Variants in SHISA9 observed in about 807,000 individuals in gnomAD.
SHISA9 encodes protein shisa-9.
A neutral mutation model predicts 38.0 loss-of-function variants in SHISA9; 13 were observed. The observed-to-expected ratio is 0.34, with a 90% CI of 0.22 to 0.54. The LOEUF is 0.54. Among genes scored for constraint, SHISA9 ranks in the 20% least tolerant of loss-of-function variants. The pLI is 0.91. For synonymous variants in SHISA9, 275 were observed against 242.0 expected (o/e 1.14, Z -1.27); for missense variants, 538 against 575.8 (o/e 0.93, Z 0.67).
intron 2 of SHISA9, among the ~76,000 whole-genome samples, chr16:13,024,393 T>C (rs1596593340): frequency 6.6e-6 from 1 of 152,226 alleles, no homozygotes; most frequent in Admixed American, 6.5e-5. Flanking sequence ...GACAGCCCAG[T>C]TGGCCCAGAG....
intron 2 of SHISA9, among the ~76,000 whole-genome samples, chr16:13,096,023 G>C (rs2073822453): frequency 6.6e-6 from 1 of 152,230 alleles, no homozygotes; most frequent in South Asian, 2.1e-4. Flanking sequence ...GTGGTCAAGA[G>C]TGAAAGCCCT....
Position 13,209,379 on chromosome 16 carries a change from A to C in SHISA9, c.848-3874A>C, listed in dbSNP as rs562009883. Among the ~76,000 whole-genome samples the C allele has an allele frequency of 1.2e-4, 18 of 152,328 alleles. No homozygotes were observed. In the South Asian group the frequency reaches 3.5e-3, roughly 30 times the overall value. On this transcript the variant is annotated intron_variant, in intron 3 of 4. Coordinates refer to ENST00000558583, the MANE Select transcript of SHISA9 (RefSeq NM_001145204.3). ...AGTTAACTCATGTCAGGGATCTGAT[A>C]AAACAAGCAGGCAAGCAAGCAAACA...
chr16:13,284,242 C>T, the SHISA9 span, among the ~76,000 whole-genome samples: 1 of 152,156 alleles, frequency 6.6e-6, no homozygotes, highest in South Asian at 2.1e-4. Flanking sequence ...GGTGTTTCCT[C>T]TTTCATGAAT....
At chr16:13,302,356 A>G in the SHISA9 span, among the ~76,000 whole-genome samples, 1 of 152,170 alleles carries the variant, frequency 6.6e-6, no homozygotes, top group South Asian at 2.1e-4. Context: ...TCCCCTATAA[A>G]TAGTTCTAAA....
intron 2 of SHISA9, among the ~76,000 whole-genome samples, chr16:13,199,128 A>T (rs75033753): frequency 0.11 from 16,953 of 152,260 alleles, 1,019 homozygotes; most frequent in Middle Eastern, 0.19. Context: ...ACCTGGACAC[A>T]GGGTTTGAGC....
intron 1 of SHISA9, among the ~76,000 whole-genome samples, chr16:12,905,671 A>G (rs2071083092): frequency 6.6e-6 from 1 of 151,076 alleles, no homozygotes. Flanking sequence ...CGCTCACTGC[A>G]ACCTCCGCCT....
intron 2 of SHISA9, among the ~76,000 whole-genome samples, chr16:13,146,977 G>A (rs758996460): frequency 6.6e-6 from 1 of 152,120 alleles, no homozygotes; most frequent in Non-Finnish European, 1.5e-5. Context: ...TGATCCACTG[G>A]AATCTATCAA....
chr16:13,536,134 T>A, the SHISA9 span, among the ~76,000 whole-genome samples: 1 of 151,920 alleles, frequency 6.6e-6, no homozygotes, highest in Non-Finnish European at 1.5e-5. Flanking sequence ...AAGTAGCTGG[T>A]ACTACAGGCA....
At chr16:13,008,323 C>G (rs973231212) in intron 2 of SHISA9, among the ~76,000 whole-genome samples, 13 of 152,118 alleles carry the variant, frequency 8.5e-5, no homozygotes, top group Admixed American at 3.9e-4. Context: ...CACTCCTGAA[C>G]TGGGGCTTCC....
chr16:13,496,365 A>G, the SHISA9 span, among the ~76,000 whole-genome samples: 1 of 152,146 alleles, frequency 6.6e-6, no homozygotes, highest in Non-Finnish European at 1.5e-5. Context: ...TTAAGTAACA[A>G]TAAGGCACTT....
At chr16:13,358,871 C>G in the SHISA9 span, among the ~76,000 whole-genome samples, 1 of 151,978 alleles carries the variant, frequency 6.6e-6, no homozygotes, top group Non-Finnish European at 1.5e-5. Flanking sequence ...GTTTTTAGGA[C>G]CAAATAGTGT....
At chr16:12,954,057 A>C (rs920186590) in intron 2 of SHISA9, among the ~76,000 whole-genome samples, 1 of 152,176 alleles carries the variant, frequency 6.6e-6, no homozygotes, top group African/African-American at 2.4e-5. Context: ...GTCAAACCAT[A>C]ACAAGGAATT....
At chr16:13,522,707 C>T in the SHISA9 span, among the ~76,000 whole-genome samples, 2 of 152,132 alleles carry the variant, frequency 1.3e-5, no homozygotes, top group African/African-American at 4.8e-5. Context: ...ATAATGTAGG[C>T]CACAGCCATC....
intron 2 of SHISA9, among the ~76,000 whole-genome samples, chr16:13,044,898 A>G (rs2073169676): frequency 6.6e-6 from 1 of 152,228 alleles, no homozygotes; most frequent in Admixed American, 6.5e-5. Context: ...AAAAACTATA[A>G]TTTATGTGGA....
chr16:13,525,217 G>A, the SHISA9 span, among the ~76,000 whole-genome samples: 1 of 152,138 alleles, frequency 6.6e-6, no homozygotes, highest in South Asian at 2.1e-4. Context: ...GAGAACCACT[G>A]AGCTAATCCA....
chr16:13,059,981 G>C (rs949740506), intron 2 of SHISA9, among the ~76,000 whole-genome samples: 2 of 152,084 alleles, frequency 1.3e-5, no homozygotes, highest in African/African-American at 4.8e-5. Flanking sequence ...TCCTGTCTGT[G>C]GTTCTTTATC....
chr16:13,438,944 A>C, the SHISA9 span, among the ~76,000 whole-genome samples: 1 of 152,216 alleles, frequency 6.6e-6, no homozygotes, highest in Non-Finnish European at 1.5e-5. Context: ...AAGCAAGGGA[A>C]ACGTAGGTCA....
At chr16:13,502,195 C>T in the SHISA9 span, among the ~76,000 whole-genome samples, 1 of 148,274 alleles carries the variant, frequency 6.7e-6, no homozygotes, top group Non-Finnish European at 1.5e-5. Context: ...CTGTCAGATT[C>T]CCACCTACAA....
chr16:13,041,408 G>A (rs182354249), intron 2 of SHISA9, among the ~76,000 whole-genome samples: 2 of 152,154 alleles, frequency 1.3e-5, no homozygotes, highest in Admixed American at 6.5e-5. Context: ...TCAGGGCTTT[G>A]TAACAGCCTG....
Sources: gnomAD v4.1 joint callset for allele counts (sites outside exome capture counted in the v4.1 genomes callset) on GRCh38, gnomAD v4.1.1 for gene constraint, MANE v1.5 for transcripts, NCBI Gene and HGNC (gene_info 2026-07-23, HGNC 2026-07-21) for gene names.